The following CDIN1 variants were observed in gnomAD, a reference collection of about 807,000 sequenced individuals.
The protein encoded by CDIN1 is CDAN1-interacting nuclease 1.
Under a neutral mutation model 45.3 loss-of-function variants are expected in CDIN1, and 33 were observed. The ratio of observed to expected loss-of-function variants is 0.73; its 90% confidence interval spans 0.55 to 0.97. The LOEUF (loss-of-function observed/expected upper bound fraction) is 0.97, where lower values mean the gene tolerates loss of function less well. CDIN1 is among the 50% of genes least tolerant of loss of function. The pLI, the probability that CDIN1 is intolerant of heterozygous loss-of-function variation, is 0.00. For synonymous variants in CDIN1, 118 were observed against 124.4 expected (o/e 0.95, Z 0.34); for missense variants, 303 against 339.4 (o/e 0.89, Z 0.84).
intron 10 of CDIN1, among the ~76,000 whole-genome samples, chr15:36,779,882 G>C (rs1321494666): frequency 6.6e-6 from 1 of 152,164 alleles, no homozygotes; most frequent in South Asian, 2.1e-4. Flanking sequence ...TTCTGAAGAT[G>C]GTCCTATGAA....
At chr15:36,775,607 T>C (rs2054198835) in intron 10 of CDIN1, among the ~76,000 whole-genome samples, 1 of 152,154 alleles carries the variant, frequency 6.6e-6, no homozygotes, top group South Asian at 2.1e-4. Context: ...GTACCTTTAT[T>C]TTAAAACAAA....
intron 1 of CDIN1, chr15:36,617,790 G>A (rs16963705): frequency 0.25 from 199,961 of 800,584 alleles, 29,975 homozygotes; most frequent in Admixed American, 0.42. Context: ...TTTGCACACA[G>A]TAGCAGCTGG....
At chr15:36,618,807 A>C (rs1595752424) in intron 1 of CDIN1, 4 of 800,718 alleles carry the variant, frequency 5.0e-6, no homozygotes, top group Non-Finnish European at 9.1e-6. Context: ...TCCTCTGTTC[A>C]GAAGGATGGT....
chr15:36,622,256 G>T (rs79076106), intron 1 of CDIN1, among the ~76,000 whole-genome samples: 1 of 152,164 alleles, frequency 6.6e-6, no homozygotes, highest in African/African-American at 2.4e-5. Flanking sequence ...CACGTGTAGA[G>T]TGAAGCTAGT....
chr15:36,591,704 T>A (rs891682064), intron 1 of CDIN1: 1 of 152,192 alleles, frequency 6.6e-6, no homozygotes, highest in African/African-American at 2.4e-5. Context: ...TTATTCAGAT[T>A]CAGTGACTTA....
chr15:36,708,533 C>T (rs1327183669), intron 8 of CDIN1: 1 of 147,502 alleles, frequency 6.8e-6, no homozygotes, highest in African/African-American at 2.5e-5. Context: ...TCCTGTTTTC[C>T]TGCCTTCTTT....
At chr15:36,725,754 A>AT (rs1323571839) in intron 10 of CDIN1, among the ~76,000 whole-genome samples, 2 of 152,116 alleles carry the variant, frequency 1.3e-5, no homozygotes, top group Admixed American at 6.5e-5. Flanking sequence ...TATCCATATT[A>AT]TTTTTTAATT....
Position 36,760,397 on chromosome 15 carries a change from A to C in CDIN1, c.717-47927A>C, listed in dbSNP as rs182396245. ...GTTTTTTCCTTTTAATATTCAACTA[A>C]AAGAACTGTTTTCATGATGCCAAGA... On this transcript the variant is annotated intron_variant, in intron 10 of 10. Transcript: ENST00000566621. Among the ~76,000 whole-genome samples the C allele has an allele frequency of 9.8e-5, 15 of 152,310 alleles. No individual in the cohort carries two copies. The East Asian group carries it at 2.9e-3, about 29-fold the overall frequency.
intron 5 of CDIN1, among the ~76,000 whole-genome samples, chr15:36,680,697 T>C (rs941125954): frequency 6.6e-6 from 1 of 152,048 alleles, no homozygotes; most frequent in African/African-American, 2.4e-5. Context: ...GCTCAAACCA[T>C]ATAAAAAGGA....
intron 1 of CDIN1, among the ~76,000 whole-genome samples, chr15:36,580,200 G>A (rs533749098): frequency 5.3e-4 from 80 of 152,372 alleles, no homozygotes; most frequent in Admixed American, 1.4e-3. Flanking sequence ...CAAGTCAACA[G>A]ATATTTATGG....
At position 36,709,269 on chromosome 15, in the gene CDIN1, C is replaced by T; in HGVS notation, c.591C>T (p.Phe197=). Reference sequence around the variant, plus strand: ...AGGGTTATGACAAAACACCAGACTTCATTTTACAAGTACCAGTTGGTAAGT... The same window carrying T: ...AGGGTTATGACAAAACACCAGACTTTATTTTACAAGTACCAGTTGGTAAGT... ...RAKGYDKTPD[F]ILQVPVAVEG... The change falls in exon 9 of 11, where the codon TTC becomes TTT. Residue 197 remains phenylalanine (F), a synonymous_variant. Coordinates refer to ENST00000566621, the MANE Select transcript of CDIN1 (RefSeq NM_001321759.2). 3 of 1,601,666 alleles carry T rather than the reference C, an allele frequency of 1.9e-6. No individual in the cohort carries two copies. Among genetic ancestry groups the T allele is most frequent in the Non-Finnish European group, 1.7e-6 (2 of 1,173,524 alleles).
intron 1 of CDIN1, chr15:36,618,458 C>T (rs2140300644): frequency 1.1e-6 from 1 of 942,744 alleles, no homozygotes; most frequent in East Asian, 2.4e-5. Flanking sequence ...GACAAGATGT[C>T]AATCTCAAGA....
chr15:36,735,711 T>G lies in CDIN1; in HGVS notation c.716+25750T>G, dbSNP rs188423724. ...ATAAGTGAAGATTCTATATTATGCT[T>G]TTATCATATCAAATTTATATATGTG... is the stretch of plus-strand genomic sequence containing the variant. On this transcript the variant is annotated intron_variant, in intron 10 of 10. Coordinates refer to ENST00000566621, the MANE Select transcript of CDIN1 (RefSeq NM_001321759.2). Among the ~76,000 whole-genome samples, 437 of 152,280 alleles carry G rather than the reference T, an allele frequency of 2.9e-3. 7 individuals carry two copies. The highest frequency in any genetic ancestry group is 0.024 in the Admixed American group (367 of 15,290).
intron 1 of CDIN1, among the ~76,000 whole-genome samples, chr15:36,637,204 A>G (rs1384122052): frequency 6.6e-6 from 1 of 152,230 alleles, no homozygotes; most frequent in Non-Finnish European, 1.5e-5. Context: ...TGGAAATAAT[A>G]AAAACAAACT....
At position 36,709,410 on chromosome 15, in the gene CDIN1, T is replaced by G. The variant is rs949461849; in HGVS notation, c.610+122T>G. The G allele has an allele frequency of 1.9e-4, 116 of 612,212 alleles. No homozygotes were observed. The African/African-American group carries it at 2.0e-3, about 11-fold the overall frequency. The allele number at this position is 612,212 out of a possible 1,614,324, so 37.9% of individuals were successfully genotyped here. On this transcript the variant is annotated intron_variant, in intron 9 of 10. Coordinates refer to ENST00000566621, the MANE Select transcript of CDIN1 (RefSeq NM_001321759.2). Reference sequence around the variant, plus strand: ...GGGTGGATAATTGGAAAATGTTACTTTTAAACAGCAGAAAATAATAGGTTC... The same window carrying G: ...GGGTGGATAATTGGAAAATGTTACTGTTAAACAGCAGAAAATAATAGGTTC...
intron 3 of CDIN1, among the ~76,000 whole-genome samples, chr15:36,653,024 T>C (rs1056329101): frequency 2.6e-5 from 4 of 152,234 alleles, no homozygotes; most frequent in African/African-American, 9.6e-5. Flanking sequence ...TTTTTTATTA[T>C]ATAATCACCT....
intron 10 of CDIN1, among the ~76,000 whole-genome samples, chr15:36,792,153 C>T (rs925485069): frequency 1.3e-5 from 2 of 152,172 alleles, no homozygotes; most frequent in African/African-American, 4.8e-5. Flanking sequence ...CTCCTCTTCA[C>T]ATTGACAGAT....
intron 7 of CDIN1, among the ~76,000 whole-genome samples, chr15:36,692,543 A>G (rs2042293466): frequency 6.6e-6 from 1 of 152,186 alleles, no homozygotes. Context: ...AAATGAGCCA[A>G]ATTTTGTTGA....
intron 10 of CDIN1, among the ~76,000 whole-genome samples, chr15:36,761,569 C>T (rs189798143): frequency 1.6e-4 from 25 of 152,230 alleles, no homozygotes; most frequent in African/African-American, 6.0e-4. Flanking sequence ...GAGGCGCTGT[C>T]ATGGAGTCAG....
Sources: allele counts gnomAD v4.1 joint callset (sites outside exome capture counted in the v4.1 genomes callset), GRCh38; gene constraint gnomAD v4.1.1; transcripts MANE v1.5; gene names NCBI Gene and HGNC (gene_info 2026-07-23, HGNC 2026-07-21).